The following CACNA1C variants were observed in gnomAD, a reference collection of about 807,000 sequenced individuals.
CACNA1C encodes calcium voltage-gated channel subunit alpha1 C.
CACNA1C carries 30 observed loss-of-function variants against 229.0 expected under a neutral mutation model. That is an observed-to-expected ratio of 0.13 (90% CI 0.10 to 0.18). The LOEUF is 0.18. CACNA1C is among the 10% of genes least tolerant of loss of function. The pLI is 1.00. For missense variants in CACNA1C, 1,658 were observed against 2,845.0 expected, an observed-to-expected ratio of 0.58 and a Z score of 9.49; for synonymous variants, 1,114 against 1,132.5, an observed-to-expected ratio of 0.98 and a Z score of 0.33.
At chr12:2,357,936 T>C (rs559785877) in intron 3 of CACNA1C, among the ~76,000 whole-genome samples, 1 of 136,182 alleles carries the variant, frequency 7.3e-6, no homozygotes, top group Non-Finnish European at 1.5e-5. Flanking sequence ...ATGCCATTGC[T>C]CTCCAGCTGG....
At chr12:2,203,323 T>C (rs10848628) in intron 3 of CACNA1C, among the ~76,000 whole-genome samples, 52,104 of 152,038 alleles carry the variant, frequency 0.34, 9,386 homozygotes, top group South Asian at 0.39. Flanking sequence ...CCCCCTCAGT[T>C]GTGGTGCTGT....
intron 1 of CACNA1C, among the ~76,000 whole-genome samples, chr12:2,043,001 G>A (rs150534058): frequency 2.0e-5 from 3 of 152,262 alleles, no homozygotes; most frequent in Admixed American, 6.5e-5. Context: ...ACGTGTTTTG[G>A]GGTGTTTCAT....
intron 3 of CACNA1C, among the ~76,000 whole-genome samples, chr12:2,146,187 C>T (rs369050469): frequency 6.0e-5 from 9 of 151,016 alleles, no homozygotes; most frequent in South Asian, 2.1e-4. Flanking sequence ...TTCTCACCCT[C>T]GAGGAATTTA....
intron 1 of CACNA1C, among the ~76,000 whole-genome samples, chr12:1,979,093 A>ACCTC (rs1213698898): frequency 6.7e-5 from 10 of 148,960 alleles, no homozygotes; most frequent in African/African-American, 2.5e-4. Flanking sequence ...CACTGCTGCA[A>ACCTC]CCTCCGCCTC....
rs569966277 is a variant in CACNA1C, at chr12:1,993,210, A to T, written c.139+22009A>T. 45 of 1,613,160 alleles carry T rather than the reference A, an allele frequency of 2.8e-5. No individual in the cohort carries two copies. In the South Asian group the frequency reaches 4.6e-4, roughly 17 times the overall value. On this transcript the variant is annotated intron_variant, in intron 1 of 46. Transcript: ENST00000682462. ...AATGGCAAACACTGTACAATTTTAA[A>T]CACTTGGCCAAACTTCAGAAGTAAA... is the stretch of plus-strand genomic sequence containing the variant.
At position 2,677,033 on chromosome 12, in the gene CACNA1C, G is replaced by GA; in HGVS notation, c.4829-59dup. On this transcript the variant is annotated intron_variant, in intron 39 of 46. Transcript: ENST00000399655. The surrounding 1 kb of genome is among the most constrained non-coding windows in gnomAD (Gnocchi z 7.4). ...TTGGATGCTGAAAAAAAAAATGAAT[G>GA]AAGTTCAACTGAATTCCCCTGCTCC... is the stretch of plus-strand genomic sequence containing the variant. The GA allele has an allele frequency of 7.2e-7, 1 of 1,385,342 alleles. No homozygotes were observed. The highest frequency in any genetic ancestry group is 1.0e-6 in the Non-Finnish European group (1 of 994,782). 85.8% of individuals were successfully genotyped at this position (1,385,342 alleles called of 1,614,324 possible).
rs2092595882 is a variant in CACNA1C, at chr12:2,285,872, G to C, written c.478-163104G>C. Among the ~76,000 whole-genome samples the C allele has an allele frequency of 6.6e-6, 1 of 152,208 alleles. No homozygotes were observed. Among genetic ancestry groups the C allele is most frequent in the Admixed American group, 6.5e-5 (1 of 15,280 alleles). On this transcript the variant is annotated intron_variant, in intron 3 of 46. Coordinates refer to ENST00000399655, the MANE Select transcript of CACNA1C (RefSeq NM_000719.7). This position sits in a 1 kb window ranked among gnomAD's most constrained non-coding sequence, Gnocchi z 4.2. Reference sequence around the variant, plus strand: ...AATACCACATGGATGGTAAAGTTCAGCCGTTTTCCACTGAAGATAGGGATT... The same window carrying C: ...AATACCACATGGATGGTAAAGTTCACCCGTTTTCCACTGAAGATAGGGATT...
At chr12:2,243,420 G>A (rs776542042) in intron 3 of CACNA1C, among the ~76,000 whole-genome samples, 2 of 152,204 alleles carry the variant, frequency 1.3e-5, no homozygotes, top group Non-Finnish European at 2.9e-5. Context: ...GGGCCTGGTG[G>A]CTCATAGTCC....
At chr12:2,230,549 C>T (rs1599902670) in intron 3 of CACNA1C, among the ~76,000 whole-genome samples, 1 of 152,222 alleles carries the variant, frequency 6.6e-6, no homozygotes, top group East Asian at 1.9e-4. Context: ...TGAGGTTACA[C>T]AGCACCCATC....
chr12:2,225,286 G>A (rs2062638833), intron 3 of CACNA1C, among the ~76,000 whole-genome samples: 2 of 152,294 alleles, frequency 1.3e-5, no homozygotes, highest in South Asian at 4.1e-4. Context: ...TGTCTGCTAG[G>A]TTATATTCTA....
At chr12:2,082,494 A>G (rs1193722544) in intron 1 of CACNA1C, among the ~76,000 whole-genome samples, 1 of 152,084 alleles carries the variant, frequency 6.6e-6, no homozygotes, top group East Asian at 1.9e-4. Context: ...CAGTCAGACA[A>G]CACCCCCCGC....
chr12:2,544,701 G>A (rs1315623131), intron 9 of CACNA1C, among the ~76,000 whole-genome samples: 2 of 152,164 alleles, frequency 1.3e-5, no homozygotes, highest in Admixed American at 6.5e-5. Flanking sequence ...TCTGCATCCT[G>A]CTGGTTGTGA....
At chr12:2,412,060 G>A (rs865874014) in intron 3 of CACNA1C, among the ~76,000 whole-genome samples, 13 of 147,380 alleles carry the variant, frequency 8.8e-5, no homozygotes, top group Admixed American at 4.0e-4. Context: ...GGCTCCCCAC[G>A]CCCAAGCCCC....
At chr12:2,532,057 A>G (rs575418427) in intron 9 of CACNA1C, among the ~76,000 whole-genome samples, 19 of 152,296 alleles carry the variant, frequency 1.2e-4, no homozygotes, top group Middle Eastern at 3.4e-3. Context: ...CATCCTCCCG[A>G]TGGTGTGGTG....
intron 3 of CACNA1C, among the ~76,000 whole-genome samples, chr12:2,271,936 A>G (rs2085210883): frequency 1.3e-5 from 2 of 152,154 alleles, no homozygotes; most frequent in South Asian, 4.1e-4. Context: ...AACAGTGCTT[A>G]ATGCATGCCA....
intron 25 of CACNA1C, 118 bp from the exon 26 acceptor site, chr12:2,606,866 A>G (rs748494144): frequency 1.9e-5 from 23 of 1,217,558 alleles, no homozygotes; most frequent in Non-Finnish European, 2.7e-5. Flanking sequence ...TCCCATGGCT[A>G]GAACGGTGAA....
At position 2,679,468 on chromosome 12, in the gene CACNA1C, C is replaced by G. The variant is rs949737894; in HGVS notation, c.5116C>G (p.His1706Asp). The G allele has an allele frequency of 6.3e-7, 1 of 1,586,118 alleles. No individual in the cohort carries two copies. The highest frequency in any genetic ancestry group is 1.7e-5 in the Admixed American group (1 of 57,948). Residue 1706 changes from histidine (H) to aspartate (D), a missense_variant, in exon 42 of 47, where the codon CAC (histidine) becomes GAC (aspartate). This residue lies in a region of CACNA1C where 590 missense variants were observed against 700.8 expected (regional missense o/e 0.84). Transcript: ENST00000399655. This position sits in a 1 kb window ranked among gnomAD's most constrained non-coding sequence, Gnocchi z 5.5. Reference protein sequence around the residue: ...FRRAGGLFGNHVSYYQSDGRS... With the variant: ...FRRAGGLFGNDVSYYQSDGRS... ...GAGGGCCGGTGGCCTGTTCGGCAAC[C>G]ACGTCAGCTACTACCAAAGCGACGG... is the stretch of plus-strand genomic sequence containing the variant.
chr12:2,232,625 A>G (rs931551677), intron 3 of CACNA1C, among the ~76,000 whole-genome samples: 3 of 152,082 alleles, frequency 2.0e-5, no homozygotes, highest in African/African-American at 7.2e-5. Flanking sequence ...GCTTTTGCCC[A>G]TAGTTTTAGC....
At position 2,152,172 on chromosome 12, in the gene CACNA1C, T is replaced by G. The variant is rs957872830; in HGVS notation, c.477+31742T>G. ...GGCATGCACATTAATGTAGGGATTG[T>G]TCATACAAAAGAGGGCAAAGATGCC... On this transcript the variant is annotated intron_variant, in intron 3 of 46. Transcript: ENST00000399655. The surrounding 1 kb of genome is among the most constrained non-coding windows in gnomAD (Gnocchi z 4.2). Among the ~76,000 whole-genome samples the G allele has an allele frequency of 6.6e-6, 1 of 152,208 alleles. No homozygotes were observed. The highest frequency in any genetic ancestry group is 1.5e-5 in the Non-Finnish European group (1 of 68,032).
Sources: allele counts gnomAD v4.1 joint callset (sites outside exome capture counted in the v4.1 genomes callset), GRCh38; gene constraint gnomAD v4.1.1; regional missense constraint gnomAD v4.1.1; non-coding constraint Gnocchi (gnomAD v3.1); transcripts MANE v1.5; gene names NCBI Gene and HGNC (gene_info 2026-07-23, HGNC 2026-07-21).